Variants in B4GALT5 observed in about 807,000 individuals in gnomAD.
B4GALT5 encodes UDP-Gal:beta-GlcNAc beta-1,4-galactosyltransferase 5.
Under a neutral mutation model 45.0 loss-of-function variants are expected in B4GALT5, and 11 were observed. The observed-to-expected ratio is 0.24, with a 90% CI of 0.15 to 0.40. The LOEUF (loss-of-function observed/expected upper bound fraction) is 0.40, where lower values mean the gene tolerates loss of function less well. B4GALT5 is among the 10% of genes least tolerant of loss of function. B4GALT5 has a pLI of 1.00. For missense variants in B4GALT5, 337 were observed against 500.2 expected (o/e 0.67, Z 3.11); for synonymous variants, 185 against 182.9 (o/e 1.01, Z -0.09).
At chr20:49,640,232 G>A (rs183998422) in intron 6 of B4GALT5, among the ~76,000 whole-genome samples, 1 of 152,304 alleles carries the variant, frequency 6.6e-6, no homozygotes, top group East Asian at 1.9e-4. Flanking sequence ...GGAATCATAT[G>A]ATACACAACC....
intron 1 of B4GALT5, among the ~76,000 whole-genome samples, chr20:49,665,557 T>C (rs547203435): frequency 1.3e-5 from 2 of 151,416 alleles, no homozygotes; most frequent in African/African-American, 4.9e-5. Flanking sequence ...TGAATTCTTT[T>C]ATAAATGTTA....
chr20:49,656,420 G>T, intron 2 of B4GALT5, 148 bp downstream of exon 2: 2 of 963,714 alleles, frequency 2.1e-6, no homozygotes, highest in Non-Finnish European at 3.1e-6. Context: ...GGATTCATTT[G>T]GCAAGAGCTT....
intron 1 of B4GALT5, among the ~76,000 whole-genome samples, chr20:49,695,916 T>C (rs1450475229): frequency 6.6e-6 from 1 of 152,150 alleles, no homozygotes; most frequent in Non-Finnish European, 1.5e-5. Context: ...ATATGCTGAG[T>C]TTTCATTATG....
At chr20:49,660,328 T>G (rs962831763) in intron 1 of B4GALT5, among the ~76,000 whole-genome samples, 1 of 152,200 alleles carries the variant, frequency 6.6e-6, no homozygotes, top group Non-Finnish European at 1.5e-5. Context: ...AGATTCACAA[T>G]GCACAATAAC....
intron 1 of B4GALT5, among the ~76,000 whole-genome samples, chr20:49,686,347 G>A (rs995028592): frequency 1.3e-5 from 2 of 152,162 alleles, no homozygotes; most frequent in South Asian, 4.2e-4. Context: ...TGCTGTACAC[G>A]CATTAGATCC....
intron 1 of B4GALT5, among the ~76,000 whole-genome samples, chr20:49,686,707 T>G (rs957935034): frequency 9.9e-6 from 1 of 101,168 alleles, no homozygotes; most frequent in African/African-American, 4.1e-5. Context: ...ATAGGCAACA[T>G]AGCAAGACCT....
chr20:49,643,442 G>T, intron 4 of B4GALT5, 84 bp downstream of exon 4: 4 of 1,525,238 alleles, frequency 2.6e-6, no homozygotes, highest in Middle Eastern at 2.3e-4. Flanking sequence ...AAAATGTCAT[G>T]GTTAGCTAAT....
At position 49,659,256 on chromosome 20, in the gene B4GALT5, A is replaced by T. The variant is rs538884657; in HGVS notation, c.116-2554T>A. On this transcript the variant is annotated intron_variant, in intron 1 of 8. Transcript: ENST00000371711. Reference sequence around the variant, plus strand: ...GATTTATCCACACTGTTACTGCTCAAAAGTCTTTTACGTCTCTTGCCTTTA... The same window carrying T: ...GATTTATCCACACTGTTACTGCTCATAAGTCTTTTACGTCTCTTGCCTTTA... Among the ~76,000 whole-genome samples, 21 of 152,282 alleles carry T rather than the reference A, an allele frequency of 1.4e-4. No homozygotes were observed. The South Asian group carries it at 4.1e-3, about 30-fold the overall frequency.
chr20:49,666,208 T>C lies in B4GALT5; in HGVS notation c.116-9506A>G, dbSNP rs371351185. ...TGTGTAGAATCCCCCAGGTGATTAA[T>C]AAAAGTTGGGAGCCTGAATCTTAGC... is the stretch of plus-strand genomic sequence containing the variant. On this transcript the variant is annotated intron_variant, in intron 1 of 8. Transcript: ENST00000371711. Among the ~76,000 whole-genome samples, 36 of 152,268 alleles carry C rather than the reference T, an allele frequency of 2.4e-4. No homozygotes were observed. In the East Asian group the frequency reaches 2.7e-3, roughly 11 times the overall value.
At chr20:49,690,502 T>TTGAAC (rs2085805961) in intron 1 of B4GALT5, among the ~76,000 whole-genome samples, 1 of 151,280 alleles carries the variant, frequency 6.6e-6, no homozygotes, top group South Asian at 2.1e-4. Flanking sequence ...TAAGCCGAGA[T>TTGAAC]TGAACCATTG....
rs1011171713 is a variant in B4GALT5, at chr20:49,634,168, C to A, written c.*2144G>T. ...AATGCAATTTATTTTCTAAATACCA[C>A]TCTATTCTTCAAAAGAACAAAAACA... On this transcript the variant is annotated 3_prime_UTR_variant, in exon 9 of 9. Transcript: ENST00000371711. 2.0e-5 allele frequency: 3 copies of A among 152,608 alleles called. No individual in the cohort carries two copies. Among genetic ancestry groups the A allele is most frequent in the African/African-American group, 7.2e-5 (3 of 41,432 alleles). 9.5% of individuals were successfully genotyped at this position (152,608 alleles called of 1,614,324 possible). A position where few individuals can be genotyped will look rare whatever the true frequency, so the allele number is the denominator to read the frequency against.
At chr20:49,684,809 C>A (rs183185864) in intron 1 of B4GALT5, among the ~76,000 whole-genome samples, 78 of 152,276 alleles carry the variant, frequency 5.1e-4, no homozygotes, top group Middle Eastern at 3.4e-3. Context: ...AGGTTTGAGT[C>A]CCTGCTCGGC....
chr20:49,673,824 C>G (rs1235896121), intron 1 of B4GALT5, among the ~76,000 whole-genome samples: 1 of 152,086 alleles, frequency 6.6e-6, no homozygotes, highest in Non-Finnish European at 1.5e-5. Flanking sequence ...GTGGAGAAAG[C>G]AGAGCCACAG....
intron 1 of B4GALT5, among the ~76,000 whole-genome samples, chr20:49,687,365 G>A (rs913706566): frequency 6.6e-6 from 1 of 152,202 alleles, no homozygotes; most frequent in African/African-American, 2.4e-5. Flanking sequence ...TAATAAACAT[G>A]CTGGGCGCGG....
At chr20:49,701,395 T>A (rs2085861220) in intron 1 of B4GALT5, among the ~76,000 whole-genome samples, 1 of 152,002 alleles carries the variant, frequency 6.6e-6, no homozygotes, top group Non-Finnish European at 1.5e-5. Flanking sequence ...GCTGTGGGAG[T>A]CCAGCAGCTT....
intron 1 of B4GALT5, among the ~76,000 whole-genome samples, chr20:49,702,836 C>T (rs1403878098): frequency 6.7e-6 from 1 of 149,164 alleles, no homozygotes; most frequent in Non-Finnish European, 1.5e-5. Context: ...GCATGGGCAA[C>T]AGAGCGAGAG....
intron 1 of B4GALT5, among the ~76,000 whole-genome samples, chr20:49,663,693 ATATACATATATATAT>A (rs2085676321): frequency 3.3e-4 from 17 of 52,286 alleles, no homozygotes; most frequent in Admixed American, 4.2e-4. Context: ...AAAAAAAAAT[ATATACATATATATAT>A]ATATATATAT....
At chr20:49,643,069 G>T (rs1363406298) in intron 4 of B4GALT5, among the ~76,000 whole-genome samples, 1 of 152,226 alleles carries the variant, frequency 6.6e-6, no homozygotes, top group Admixed American at 6.5e-5. Flanking sequence ...TGAAAGAATG[G>T]ACTTCAGCTG....
intron 1 of B4GALT5, among the ~76,000 whole-genome samples, chr20:49,704,456 A>T (rs1267242394): frequency 6.6e-6 from 1 of 152,088 alleles, no homozygotes; most frequent in Non-Finnish European, 1.5e-5. Context: ...GCGGTGGCTC[A>T]CGCCTGTAAT....
Sources: allele counts gnomAD v4.1 joint callset (sites outside exome capture counted in the v4.1 genomes callset), GRCh38; gene constraint gnomAD v4.1.1; transcripts MANE v1.5; gene names NCBI Gene and HGNC (gene_info 2026-07-23, HGNC 2026-07-21).